TOMM70: variants seen among roughly 807,000 people sequenced by gnomAD.
TOMM70 encodes translocase of outer mitochondrial membrane 70.
TOMM70 carries 13 observed loss-of-function variants against 73.6 expected under a neutral mutation model. That is an observed-to-expected ratio of 0.18 (90% CI 0.11 to 0.28). The LOEUF (loss-of-function observed/expected upper bound fraction) is 0.28. TOMM70 is among the 10% of genes least tolerant of loss of function. The probability of loss-of-function intolerance (pLI) is 1.00; values close to 1 mark genes in which losing one functional copy is unlikely to be tolerated. For missense variants in TOMM70, 609 were observed against 747.5 expected, an observed-to-expected ratio of 0.81 and a Z score of 2.16; for synonymous variants, 257 against 271.2, an observed-to-expected ratio of 0.95 and a Z score of 0.51.
chr3:100,397,639 C>T (rs111946049), intron 1 of TOMM70, among the ~76,000 whole-genome samples: 17,129 of 152,158 alleles, frequency 0.11, 1,476 homozygotes, highest in African/African-American at 0.24. Flanking sequence ...GCCTGTAATC[C>T]CAGCACTTTG....
intron 1 of TOMM70, among the ~76,000 whole-genome samples, chr3:100,389,391 AAAGCAGAGTAAATATGGCAGTAATT>A: frequency 6.6e-6 from 1 of 152,242 alleles, no homozygotes; most frequent in South Asian, 2.1e-4. Flanking sequence ...AAGAAACAAA[AAAGCAGAGTAAATATGGCAGTAATT>A]GCTAAACATG....
chr3:100,368,512 C>T (rs1576209370), intron 10 of TOMM70, among the ~76,000 whole-genome samples: 1 of 152,178 alleles, frequency 6.6e-6, no homozygotes, highest in African/African-American at 2.4e-5. Context: ...AAGCCAACAG[C>T]TGACAGGATG....
chr3:100,371,078 G>A (rs1706504588), intron 9 of TOMM70, among the ~76,000 whole-genome samples: 1 of 151,932 alleles, frequency 6.6e-6, no homozygotes, highest in Non-Finnish European at 1.5e-5. Flanking sequence ...TTATATATAA[G>A]ACCTACCTCT....
At chr3:100,376,369 G>GTTTTTTTTTTGTTTTTTTTTTTT (rs1706565085) in intron 6 of TOMM70, among the ~76,000 whole-genome samples, 9 of 121,764 alleles carry the variant, frequency 7.4e-5, no homozygotes, top group African/African-American at 2.6e-4. Flanking sequence ...TCACACAGAA[G>GTTTTTTTTTTGTTTTTTTTTTTT]TTTTTTTTTT....
At chr3:100,373,213 G>T (rs1233244910) in intron 8 of TOMM70, among the ~76,000 whole-genome samples, 1 of 151,604 alleles carries the variant, frequency 6.6e-6, no homozygotes, top group African/African-American at 2.4e-5. Flanking sequence ...ATGAAGCAGG[G>T]GTGAGAGAGC....
intron 1 of TOMM70, among the ~76,000 whole-genome samples, chr3:100,398,687 T>C (rs2148895838): frequency 6.6e-6 from 1 of 152,316 alleles, no homozygotes; most frequent in Non-Finnish European, 1.5e-5. Flanking sequence ...AGAAGAGATC[T>C]AATATTTTAA....
At position 100,386,958 on chromosome 3, in the gene TOMM70, T is replaced by C. The variant is rs1450914490; in HGVS notation, c.345A>G (p.Gln115=). Residue 115 remains glutamine (Q), a synonymous_variant, in exon 2 of 12, where the codon CAA becomes CAG. Coordinates refer to ENST00000284320, the MANE Select transcript of TOMM70 (RefSeq NM_014820.5). The part of the protein sequence containing the change: ...HLDMNSLDRA[Q]AAKNKGNKYF... The stretch of plus-strand genomic sequence containing the variant: ...ATTTATTGCCTTTATTCTTGGCTGC[T>C]TGGGCTCTATCAAGAGAGTTCTGAA... 2.5e-6 allele frequency: 4 copies of C among 1,613,978 alleles called. No individual in the cohort carries two copies. Among genetic ancestry groups the C allele is most frequent in the East Asian group, 2.2e-5 (1 of 44,840 alleles).
rs1333758512 is a variant in TOMM70, at chr3:100,369,147, G to A, written c.1453-12C>T. 6.3e-7 allele frequency: 1 copy of A among 1,579,964 alleles called. No individual in the cohort carries two copies. Among genetic ancestry groups the A allele is most frequent in the South Asian group, 1.1e-5 (1 of 89,994 alleles). Reference sequence around the variant, plus strand: ...TGATCTGTTAATGCCTATGTGAGGAGATACTTCAGTTATATTAAGGTAACC... The same window carrying A: ...TGATCTGTTAATGCCTATGTGAGGAAATACTTCAGTTATATTAAGGTAACC... On this transcript the variant is annotated splice_polypyrimidine_tract_variant and intron_variant, in intron 9 of 11. Transcript: ENST00000284320.
chr3:100,368,057 T>C lies in TOMM70; in HGVS notation c.1660A>G (p.Ile554Val). ...CDFAYETMGT[I>V]EVQRGNMEKA... ...TCCAGAAGTTACCTTTGTACTTCAA[T>C]AGTTCCCATGGTTTCATAGGCAAAA... is the stretch of plus-strand genomic sequence containing the variant. Residue 554 changes from isoleucine to valine, a missense_variant, in exon 11 of 12, where the codon ATT becomes GTT. Transcript: ENST00000284320. 1 of 1,613,754 alleles carries C rather than the reference T, an allele frequency of 6.2e-7. No individual in the cohort carries two copies. The highest frequency in any genetic ancestry group is 8.5e-7 in the Non-Finnish European group (1 of 1,179,856).
At chr3:100,365,770 C>G in intron 11 of TOMM70, 53 bp from the exon 12 acceptor site, 1 of 1,597,932 alleles carries the variant, frequency 6.3e-7, no homozygotes, top group Non-Finnish European at 8.6e-7. Context: ...TCACAATATT[C>G]AATGAAGGTT....
At chr3:100,373,352 G>A (rs1404230804) in intron 8 of TOMM70, among the ~76,000 whole-genome samples, 186 bp downstream of exon 8, 1 of 152,124 alleles carries the variant, frequency 6.6e-6, no homozygotes, top group Non-Finnish European at 1.5e-5. Context: ...CATCTATCAA[G>A]ATGAACCCAA....
intron 10 of TOMM70, 138 bp downstream of exon 10, chr3:100,368,898 GAA>G: frequency 1.6e-6 from 1 of 613,022 alleles, no homozygotes; most frequent in Non-Finnish European, 2.8e-6. Context: ...CTGTAAGAAT[GAA>G]AAGACATCTA....
chr3:100,372,311 G>A (rs115757221), intron 9 of TOMM70: 2,954 of 256,134 alleles, frequency 0.012, 24 homozygotes, highest in Non-Finnish European at 0.018. Flanking sequence ...AATTGCATAC[G>A]GTAAATTTTC....
At chr3:100,373,936 G>A (rs975553456) in intron 7 of TOMM70, among the ~76,000 whole-genome samples, 1 of 152,102 alleles carries the variant, frequency 6.6e-6, no homozygotes, top group African/African-American at 2.4e-5. Context: ...TAAACATCCT[G>A]TACATTCTAA....
chr3:100,393,615 A>G (rs529179717), intron 1 of TOMM70, among the ~76,000 whole-genome samples: 3 of 152,200 alleles, frequency 2.0e-5, no homozygotes, highest in South Asian at 2.1e-4. Flanking sequence ...AATAATAAAT[A>G]TATCTTTTCT....
chr3:100,392,165 G>A (rs1214552087), intron 1 of TOMM70, among the ~76,000 whole-genome samples: 4 of 152,172 alleles, frequency 2.6e-5, no homozygotes, highest in African/African-American at 9.7e-5. Context: ...CAGTATACTT[G>A]ATGAAATCCA....
At position 100,369,102 on chromosome 3, in the gene TOMM70, C is replaced by T; in HGVS notation, c.1486G>A (p.Asp496Asn). 1 of 1,613,478 alleles carries T rather than the reference C, an allele frequency of 6.2e-7. No individual in the cohort carries two copies. The highest frequency in any genetic ancestry group is 1.1e-5 in the South Asian group (1 of 91,054). Residue 496 changes from aspartate (D) to asparagine (N), a missense_variant, in exon 10 of 12, where the codon GAT becomes AAT. By Grantham distance (23) the Asp-to-Asn change is conservative. This residue lies in a region of TOMM70 where 432 missense variants were observed against 584.1 expected (regional missense o/e 0.74). Coordinates refer to ENST00000284320, the MANE Select transcript of TOMM70 (RefSeq NM_014820.5). ...LTDQQQFGKA[D>N]EMYDKCIDLE... ...TCAATACATTTATCATACATTTCAT[C>T]AGCTTTACCAAACTGTTGTTGATCT...
At position 100,365,462 on chromosome 3, in the gene TOMM70, A is replaced by G. The variant is rs1706438591; in HGVS notation, c.*102T>C. 4.1e-6 allele frequency: 6 copies of G among 1,473,450 alleles called. No individual in the cohort carries two copies. Among genetic ancestry groups the G allele is most frequent in the Non-Finnish European group, 5.5e-6 (6 of 1,087,292 alleles). The allele number at this position is 1,473,450 out of a possible 1,614,324, so 91.3% of individuals were successfully genotyped here. ...AAATAACAACACCACAAACAGAAATACTGATTTCCACCATTCAACACAGTT... is the reference window on the plus strand; with the variant it reads ...AAATAACAACACCACAAACAGAAATGCTGATTTCCACCATTCAACACAGTT... On this transcript the variant is annotated 3_prime_UTR_variant, in exon 12 of 12. Transcript: ENST00000284320.
intron 11 of TOMM70, among the ~76,000 whole-genome samples, chr3:100,367,281 A>AG (rs1190809851): frequency 1.4e-5 from 2 of 147,940 alleles, no homozygotes; most frequent in African/African-American, 5.2e-5. Flanking sequence ...AAAGAAACAC[A>AG]ATTTTTTTTT....
Sources: gnomAD v4.1 joint callset for allele counts (sites outside exome capture counted in the v4.1 genomes callset) on GRCh38, gnomAD v4.1.1 for gene constraint, gnomAD v4.1.1 regional missense constraint, MANE v1.5 for transcripts, NCBI Gene and HGNC (gene_info 2026-07-23, HGNC 2026-07-21) for gene names.